Variants in MYH3 observed in about 807,000 individuals in gnomAD.
MYH3 encodes the protein myosin heavy chain 3, also known as myosin-3.
Under a neutral mutation model 238.0 loss-of-function variants are expected in MYH3, and 130 were observed. The ratio of observed to expected loss-of-function variants is 0.55; its 90% confidence interval spans 0.47 to 0.63. The LOEUF is 0.63. Among genes scored for constraint, MYH3 ranks in the 30% least tolerant of loss-of-function variants. The pLI is 0.00. For synonymous variants in MYH3, 880 were observed against 924.1 expected (o/e 0.95, Z 0.86); for missense variants, 1,853 against 2,374.9 (o/e 0.78, Z 4.57).
intron 36 of MYH3, 136 bp from the exon 37 acceptor site, chr17:10,630,594 A>G: frequency 1.5e-6 from 2 of 1,341,142 alleles, no homozygotes; most frequent in Non-Finnish European, 2.1e-6. Context: ...TCACGTCTGT[A>G]ATCCCAGCAC....
chr17:10,631,353 G>T (rs1456539709), intron 36 of MYH3, among the ~76,000 whole-genome samples: 1 of 152,240 alleles, frequency 6.6e-6, no homozygotes, highest in East Asian at 1.9e-4. Flanking sequence ...TTTGGAATAA[G>T]TCAGATGTTG....
rs2074143179 is a variant in MYH3, at chr17:10,630,380, G to T, written c.5365C>A (p.Gln1789Lys). ...HLERMKKNLE[Q>K]TVKDLQHRLD... ...CGATGCTGCAGGTCCTTCACCGTCT[G>T]TTCCAGGTTCTTCTTCATCCGCTCA... Residue 1789 changes from glutamine (Q) to lysine (K), a missense_variant, in exon 37 of 41, where the codon CAG becomes AAG. Physicochemically the swap from Gln to Lys is moderately conservative, Grantham distance 53 (BLOSUM62 1). Coordinates refer to ENST00000583535, the MANE Select transcript of MYH3 (RefSeq NM_002470.4). The T allele has an allele frequency of 6.2e-7, 1 of 1,614,050 alleles. No homozygotes were observed. Among genetic ancestry groups the T allele is most frequent in the Non-Finnish European group, 8.5e-7 (1 of 1,180,048 alleles).
intron 33 of MYH3, 53 bp downstream of exon 33, chr17:10,633,538 G>A: frequency 6.2e-7 from 1 of 1,607,474 alleles, no homozygotes; most frequent in Non-Finnish European, 8.5e-7. Flanking sequence ...AGCCTCCCTG[G>A]CCGTGGCTCA....
chr17:10,642,871 A>G lies in MYH3; in HGVS notation c.1536T>C (p.Ile512=), dbSNP rs1052197406. The G allele has an allele frequency of 2.5e-6, 4 of 1,614,094 alleles. No individual in the cohort carries two copies. Among genetic ancestry groups the G allele is most frequent in the South Asian group, 2.2e-5 (2 of 91,084 alleles). ...AGGCAGCCAGGTCCATCCCGAAGTCAATGAACGTCCACTCGATGCCTTCCT... is the reference window on the plus strand; with the variant it reads ...AGGCAGCCAGGTCCATCCCGAAGTCGATGAACGTCCACTCGATGCCTTCCT... ...YKKEGIEWTF[I]DFGMDLAACI... The change falls in exon 15 of 41, where the codon ATT becomes ATC. Residue 512 remains isoleucine (I), a synonymous_variant. Coordinates refer to ENST00000583535, the MANE Select transcript of MYH3 (RefSeq NM_002470.4). The surrounding 1 kb of genome is among the most constrained non-coding windows in gnomAD (Gnocchi z 5.4).
the MYH3 span, chr17:10,674,411 A>G: frequency 3.5e-6 from 1 of 283,728 alleles, no homozygotes; most frequent in Non-Finnish European, 7.0e-6. Context: ...AGGCAACAAG[A>G]GCGAAACTCC....
intron 31 of MYH3, 141 bp downstream of exon 31, chr17:10,634,699 G>T: frequency 1.0e-6 from 1 of 974,128 alleles, no homozygotes. Flanking sequence ...GGAAACTACA[G>T]CCCGGTGAAG....
At position 10,650,363 on chromosome 17, in the gene MYH3, T is replaced by G. The variant is rs755490000; in HGVS notation, c.533+11A>C. The stretch of plus-strand genomic sequence containing the variant: ...ACAGCTATGAAACCACTCTATGCCA[T>G]GGATACTTACGTGATCAGAATGGAC... On this transcript the variant is annotated intron_variant, in intron 6 of 40. Coordinates refer to ENST00000583535, the MANE Select transcript of MYH3 (RefSeq NM_002470.4). 3 of 1,609,990 alleles carry G rather than the reference T, an allele frequency of 1.9e-6. No homozygotes were observed. The highest frequency in any genetic ancestry group is 2.6e-6 in the Non-Finnish European group (3 of 1,176,302).
the MYH3 span, among the ~76,000 whole-genome samples, chr17:10,667,404 G>A: frequency 2.0e-5 from 3 of 152,134 alleles, no homozygotes; most frequent in Admixed American, 1.3e-4. Flanking sequence ...ATCAGAGGCC[G>A]GGTGCAGTGG....
In MYH3 at chr17:10,652,540, A is replaced by G; in HGVS notation, c.228T>C (p.Asp76=). Residue 76 remains aspartate, a synonymous_variant, in exon 4 of 41, where the codon GAT becomes GAC. Transcript: ENST00000583535. The part of the protein sequence containing the change: ...DNRTLVVKPE[D]VYAMNPPKFD... ...ACTTGGGGGGGTTCATGGCGTACAC[A>G]TCCTCTGGTTTGACCACCAGGGTCT... 1 of 1,608,004 alleles carries G rather than the reference A, an allele frequency of 6.2e-7. No individual in the cohort carries two copies.
chr17:10,637,708 A>T, intron 28 of MYH3, 101 bp downstream of exon 28: 1 of 1,496,736 alleles, frequency 6.7e-7, no homozygotes, highest in Non-Finnish European at 9.2e-7. Context: ...ATGCTTCCCT[A>T]GAGATTCTCC....
At chr17:10,633,489 T>C (rs1489519876) in intron 33 of MYH3, 102 bp downstream of exon 33, 1 of 1,520,988 alleles carries the variant, frequency 6.6e-7, no homozygotes, top group African/African-American at 1.4e-5. Context: ...GGACTGTGAT[T>C]TGACAAAGGC....
intron 1 of MYH3, among the ~76,000 whole-genome samples, chr17:10,656,510 C>G (rs1355366074): frequency 6.8e-6 from 1 of 146,968 alleles, no homozygotes; most frequent in East Asian, 2.0e-4. Flanking sequence ...GCACTCCAGC[C>G]TGGGCGACAA....
the MYH3 span, among the ~76,000 whole-genome samples, chr17:10,670,454 C>A: frequency 6.6e-6 from 1 of 152,018 alleles, no homozygotes; most frequent in African/African-American, 2.4e-5. This position sits in a 1 kb window ranked among gnomAD's most constrained non-coding sequence, Gnocchi z 7.0. Flanking sequence ...TCAGTTTCTC[C>A]AAGTGAAATT....
In MYH3 at chr17:10,655,087, C is replaced by G; in HGVS notation, c.-8-15G>C. ...CATGGTGTCAGCTGGAAGGCAAACC[C>G]ACCCGGTGAGCTCAGCAGCCCCCTT... is the stretch of plus-strand genomic sequence containing the variant. On this transcript the variant is annotated splice_polypyrimidine_tract_variant and intron_variant, in intron 2 of 40. Transcript: ENST00000583535. The G allele has an allele frequency of 6.2e-7, 1 of 1,609,928 alleles. No homozygotes were observed. Among genetic ancestry groups the G allele is most frequent in the Non-Finnish European group, 8.5e-7 (1 of 1,176,516 alleles).
At chr17:10,637,974 A>C (rs1173307683) in intron 27 of MYH3, 39 bp from the exon 28 acceptor site, 1 of 1,613,936 alleles carries the variant, frequency 6.2e-7, no homozygotes, top group East Asian at 2.2e-5. Flanking sequence ...CAGTCAGCAA[A>C]GTCAGGTTTC....
At chr17:10,643,736 C>T (rs754825058) in intron 14 of MYH3, among the ~76,000 whole-genome samples, 1 of 152,214 alleles carries the variant, frequency 6.6e-6, no homozygotes, top group Non-Finnish European at 1.5e-5. Flanking sequence ...GCGTGATTAA[C>T]TTATCAAATT....
Position 10,655,033 on chromosome 17 carries a change from C to A in MYH3, c.32G>T (p.Gly11Val). The A allele has an allele frequency of 6.2e-7, 1 of 1,614,216 alleles. No homozygotes were observed. The highest frequency in any genetic ancestry group is 8.5e-7 in the Non-Finnish European group (1 of 1,180,040). The change falls in exon 3 of 41, where the codon GGC (glycine) becomes GTC (valine). Residue 11 changes from glycine (G) to valine (V), a missense_variant. Coordinates refer to ENST00000583535, the MANE Select transcript of MYH3 (RefSeq NM_002470.4). MSSDTEMEVF[G>V]IAAPFLRKSE... ...CTTCCGGAGGAAAGGAGCAGCTATGCCGAACACTTCCATTTCAGTGTCACT... is the reference window on the plus strand; with the variant it reads ...CTTCCGGAGGAAAGGAGCAGCTATGACGAACACTTCCATTTCAGTGTCACT...
the MYH3 span, chr17:10,673,761 A>G: frequency 6.6e-6 from 1 of 152,232 alleles, no homozygotes; most frequent in South Asian, 2.1e-4. Flanking sequence ...AGGGTAACCA[A>G]GCAGCATCTC....
rs900770123 is a variant in MYH3, at chr17:10,652,521, G to C, written c.247C>G (p.Pro83Ala). The change falls in exon 4 of 41, where the codon CCC becomes GCC. Residue 83 changes from proline to alanine, a missense_variant. Pro to Ala is a conservative substitution (Grantham distance 27). Transcript: ENST00000583535. Reference sequence around the variant, plus strand: ...ATGTCTTCGATCCTGTCGAACTTGGGGGGGTTCATGGCGTACACATCCTCT... The same window carrying C: ...ATGTCTTCGATCCTGTCGAACTTGGCGGGGTTCATGGCGTACACATCCTCT... ...KPEDVYAMNP[P>A]KFDRIEDMAM... 10 of 1,613,294 alleles carry C rather than the reference G, an allele frequency of 6.2e-6. No homozygotes were observed. Among genetic ancestry groups the C allele is most frequent in the African/African-American group, 1.3e-5 (1 of 74,868 alleles).
Sources: allele counts gnomAD v4.1 joint callset (sites outside exome capture counted in the v4.1 genomes callset), GRCh38; gene constraint gnomAD v4.1.1; non-coding constraint Gnocchi (gnomAD v3.1); transcripts MANE v1.5; gene names NCBI Gene and HGNC (gene_info 2026-07-23, HGNC 2026-07-21).